Variants in MTHFD1 observed in about 807,000 individuals in gnomAD.
MTHFD1 encodes C-1-tetrahydrofolate synthase, cytoplasmic.
A neutral mutation model predicts 110.3 loss-of-function variants in MTHFD1; 44 were observed. The ratio of observed to expected loss-of-function variants is 0.40; its 90% CI spans 0.31 to 0.51. The LOEUF is 0.51. MTHFD1 is among the 20% of genes least tolerant of loss of function. MTHFD1 has a pLI of 0.60. For missense variants in MTHFD1, 909 were observed against 1,173.1 expected, an observed-to-expected ratio of 0.77 and a Z score of 3.29; for synonymous variants, 402 against 428.8, an observed-to-expected ratio of 0.94 and a Z score of 0.77.
rs776174229 is a variant in MTHFD1 at position 64,459,786 on chromosome 14, T to C, written c.*32T>C. Reference sequence around the variant, plus strand: ...CACCATCCATCTTCAAGAAGCTACTTTGAAAGTCTGGCCAGTGTCTATTCA... The same window carrying C: ...CACCATCCATCTTCAAGAAGCTACTCTGAAAGTCTGGCCAGTGTCTATTCA... On this transcript the variant is annotated 3_prime_UTR_variant, in exon 28 of 28. Coordinates refer to ENST00000652337, the MANE Select transcript of MTHFD1 (RefSeq NM_005956.4). 3.6e-5 allele frequency: 56 copies of C among 1,534,542 alleles called. No individual in the cohort carries two copies. Among genetic ancestry groups the C allele is most frequent in the South Asian group, 6.0e-5 (5 of 83,832 alleles).
At chr14:64,403,742 T>C (rs111982729) in intron 2 of MTHFD1, among the ~76,000 whole-genome samples, 2,028 of 152,208 alleles carry the variant, frequency 0.013, 35 homozygotes, top group African/African-American at 0.045. Flanking sequence ...GACGGTTTTT[T>C]GCCTTGTTGC....
At chr14:64,407,090 AT>A (rs889737580) in intron 2 of MTHFD1, among the ~76,000 whole-genome samples, 3 of 151,360 alleles carry the variant, frequency 2.0e-5, no homozygotes, top group Admixed American at 1.3e-4. Flanking sequence ...TTGAGTTTTC[AT>A]TTTTTTTTAA....
At chr14:64,391,306 G>A (rs923062496) in intron 1 of MTHFD1, among the ~76,000 whole-genome samples, 2 of 151,960 alleles carry the variant, frequency 1.3e-5, no homozygotes, top group Admixed American at 6.6e-5. Flanking sequence ...CTGGGACTAC[G>A]GGCATGCACT....
At chr14:64,459,709 A>C in intron 27 of MTHFD1, 50 bp from the exon 28 acceptor site, 3 of 1,312,116 alleles carry the variant, frequency 2.3e-6, no homozygotes, top group Non-Finnish European at 2.9e-6. Flanking sequence ...AACAGGAAAC[A>C]TTTCAGTGCT....
At chr14:64,389,060 G>C (rs1161361925) in intron 1 of MTHFD1, 1 of 154,250 alleles carries the variant, frequency 6.5e-6, no homozygotes, top group African/African-American at 2.4e-5. Context: ...TGAGTCCTGA[G>C]AATATTCTGC....
chr14:64,396,109 T>C (rs1228556481), intron 1 of MTHFD1, among the ~76,000 whole-genome samples: 1 of 152,146 alleles, frequency 6.6e-6, no homozygotes, highest in Non-Finnish European at 1.5e-5. Context: ...TCAAATTTGG[T>C]AAATGTCTGG....
rs574992315 is a variant in MTHFD1, at chr14:64,398,554, AAAAT to A, written c.42-2227_42-2224del. Reference sequence around the variant, plus strand: ...AGAGCCAGACCCTGTCTCAAAAAATAAAATAAATAAATAAAAATCAAAATAAATA... The same window carrying A: ...AGAGCCAGACCCTGTCTCAAAAAATAAAATAAATAAAAATCAAAATAAATA... On this transcript the variant is annotated intron_variant, in intron 1 of 27. Transcript: ENST00000652337. Among the ~76,000 whole-genome samples, 346 of 152,364 alleles carry A rather than the reference AAAAT, an allele frequency of 2.3e-3. 1 individual carries two copies. Among genetic ancestry groups the A allele is most frequent in the Admixed American group, 5.8e-3 (89 of 15,306 alleles).
intron 13 of MTHFD1, 51 bp from the exon 14 acceptor site, chr14:64,431,481 G>A (rs2078159748): frequency 6.8e-7 from 1 of 1,472,418 alleles, no homozygotes; most frequent in Middle Eastern, 1.7e-4. Context: ...AATGAAAGTT[G>A]GAAAGATACA....
intron 1 of MTHFD1, chr14:64,388,676 C>G (rs1055893703): frequency 4.8e-6 from 3 of 627,114 alleles, no homozygotes; most frequent in Non-Finnish European, 8.6e-6. Context: ...CCGCTGGCTC[C>G]TGTGCTTCGG....
chr14:64,401,015 C>G (rs189474204), intron 2 of MTHFD1, 138 bp downstream of exon 2: 21 of 699,456 alleles, frequency 3.0e-5, no homozygotes, highest in Non-Finnish European at 4.9e-5. Flanking sequence ...TTGGCAGGCT[C>G]CCCCCTTTGG....
chr14:64,433,944 C>T (rs1236981105), intron 15 of MTHFD1, among the ~76,000 whole-genome samples: 3 of 152,058 alleles, frequency 2.0e-5, no homozygotes, highest in East Asian at 1.9e-4. Flanking sequence ...ACAAGAGAAT[C>T]GCTTGAACCT....
At chr14:64,440,897 A>G (rs752071656) in intron 18 of MTHFD1, 1 of 256,558 alleles carries the variant, frequency 3.9e-6, no homozygotes, top group Non-Finnish European at 7.6e-6. Flanking sequence ...TTTGTATTCT[A>G]TCTGGCAACT....
chr14:64,445,176 C>T (rs927686762), intron 22 of MTHFD1: 2 of 257,814 alleles, frequency 7.8e-6, no homozygotes, highest in Non-Finnish European at 1.5e-5. Flanking sequence ...GAAACCCTGT[C>T]CTAGACTAAT....
intron 19 of MTHFD1, 151 bp from the exon 20 acceptor site, chr14:64,441,903 G>A (rs2078252422): frequency 1.4e-6 from 1 of 699,510 alleles, no homozygotes; most frequent in African/African-American, 1.7e-5. Flanking sequence ...CCTGTGACTG[G>A]GACGTTACTG....
At chr14:64,457,928 T>TTGC in intron 26 of MTHFD1, 2 of 535,534 alleles carry the variant, frequency 3.7e-6, no homozygotes, top group Middle Eastern at 5.1e-4. Flanking sequence ...AGACATGGCC[T>TTGC]TGCTCTGTCG....
At chr14:64,389,100 T>G (rs1463553216) in intron 1 of MTHFD1, 1 of 152,508 alleles carries the variant, frequency 6.6e-6, no homozygotes, top group Non-Finnish European at 1.5e-5. Context: ...TGTTCTACCC[T>G]TGCGGGACAT....
chr14:64,444,689 C>G lies in MTHFD1; in HGVS notation c.2137-4C>G. ...GCCTCTGACTCTGTTTCTTTTCCTT[C>G]CAGGTCACTGCTGGACTGCCTCTTC... is the stretch of plus-strand genomic sequence containing the variant. On this transcript the variant is annotated splice_region_variant and splice_polypyrimidine_tract_variant and intron_variant, in intron 21 of 27. Transcript: ENST00000652337. The G allele has an allele frequency of 6.2e-7, 1 of 1,614,076 alleles. No individual in the cohort carries two copies. Among genetic ancestry groups the G allele is most frequent in the Non-Finnish European group, 8.5e-7 (1 of 1,179,972 alleles).
chr14:64,408,285 C>CCTTTTT lies in MTHFD1; in HGVS notation c.127-2805_127-2804insCTTTTT, dbSNP rs34166790. Among the ~76,000 whole-genome samples the CCTTTTT allele has an allele frequency of 1.2e-4, 15 of 121,206 alleles. 4 individuals are homozygous for CCTTTTT. Among genetic ancestry groups the CCTTTTT allele is most frequent in the Non-Finnish European group, 1.8e-4 (11 of 60,676 alleles). The allele number at this position is 121,206 out of a possible 152,430, so 79.5% of individuals were successfully genotyped here. A position where few individuals can be genotyped will look rare whatever the true frequency, so the allele number is the denominator to read the frequency against. ...CCACCTTCAAGGAGAAATCAGCATT[C>CCTTTTT]TTTTTTTTTTTTTTTTTTTTGAGAT... is the stretch of plus-strand genomic sequence containing the variant. On this transcript the variant is annotated intron_variant, in intron 2 of 27. Coordinates refer to ENST00000652337, the MANE Select transcript of MTHFD1 (RefSeq NM_005956.4).
chr14:64,438,783 A>G (rs1053650215), intron 16 of MTHFD1, among the ~76,000 whole-genome samples: 1 of 152,204 alleles, frequency 6.6e-6, no homozygotes, highest in African/African-American at 2.4e-5. Context: ...GAAAAAATGT[A>G]GACTGCTCTG....
Sources: gnomAD v4.1 joint callset for allele counts (sites outside exome capture counted in the v4.1 genomes callset) on GRCh38, gnomAD v4.1.1 for gene constraint, MANE v1.5 for transcripts, NCBI Gene and HGNC (gene_info 2026-07-23, HGNC 2026-07-21) for gene names.